The following AKAP19 variants were observed in gnomAD, a reference collection of about 807,000 sequenced individuals.
AKAP19 encodes small A-kinase anchoring protein.
At chr2:190,022,379 A>G in the AKAP19 span, among the ~76,000 whole-genome samples, 2 of 152,178 alleles carry the variant, frequency 1.3e-5, no homozygotes, top group Non-Finnish European at 2.9e-5. Context: ...AATTATTATG[A>G]AAATCATGCA....
At chr2:190,023,510 G>A in the AKAP19 span, among the ~76,000 whole-genome samples, 1 of 151,948 alleles carries the variant, frequency 6.6e-6, no homozygotes, top group African/African-American at 2.4e-5. Context: ...TGATCCTTGT[G>A]CTAATGTTCA....
the AKAP19 span, among the ~76,000 whole-genome samples, chr2:189,926,643 C>T: frequency 3.1e-5 from 4 of 127,286 alleles, no homozygotes; most frequent in African/African-American, 1.2e-4. Flanking sequence ...TGCAGTGGCG[C>T]GATCTCGGCT....
At chr2:190,057,289 G>A in the AKAP19 span, 13 of 1,613,098 alleles carry the variant, frequency 8.1e-6, no homozygotes, top group South Asian at 6.6e-5. Flanking sequence ...TACTACCATC[G>A]CTGGAATTTT....
At chr2:190,020,817 T>G in the AKAP19 span, among the ~76,000 whole-genome samples, 4 of 152,208 alleles carry the variant, frequency 2.6e-5, no homozygotes, top group African/African-American at 9.6e-5. Flanking sequence ...TTACTTTCTA[T>G]CTTTACTAAT....
the AKAP19 span, among the ~76,000 whole-genome samples, chr2:190,038,176 C>G: frequency 6.6e-6 from 1 of 152,204 alleles, no homozygotes; most frequent in Admixed American, 6.5e-5. Context: ...TGAAATATTG[C>G]TGGCTTCACC....
chr2:190,132,130 A>AT, the AKAP19 span, among the ~76,000 whole-genome samples: 1 of 152,232 alleles, frequency 6.6e-6, no homozygotes, highest in African/African-American at 2.4e-5. Flanking sequence ...ACCGAAAGCT[A>AT]TAAAACATTT....
At chr2:190,152,938 T>C in the AKAP19 span, among the ~76,000 whole-genome samples, 15 of 150,290 alleles carry the variant, frequency 1.0e-4, no homozygotes, top group South Asian at 2.1e-4. Context: ...CTCTGTCGCC[T>C]AGGCTGGAGT....
chr2:190,145,758 C>T, the AKAP19 span, among the ~76,000 whole-genome samples: 3 of 151,780 alleles, frequency 2.0e-5, no homozygotes, highest in African/African-American at 7.3e-5. Flanking sequence ...ATACATTTCT[C>T]AGAACGAATT....
At chr2:189,887,439 C>T in the AKAP19 span, among the ~76,000 whole-genome samples, 6,843 of 152,266 alleles carry the variant, frequency 0.045, 493 homozygotes, top group African/African-American at 0.15. Context: ...AATAAACCTA[C>T]ATGTGCATGT....
the AKAP19 span, among the ~76,000 whole-genome samples, chr2:190,058,051 T>C: frequency 1.3e-5 from 2 of 152,024 alleles, no homozygotes; most frequent in Admixed American, 1.3e-4. Flanking sequence ...TTAAATATGT[T>C]GGCTAAATAT....
the AKAP19 span, among the ~76,000 whole-genome samples, chr2:189,944,650 A>T: frequency 5.3e-5 from 8 of 152,216 alleles, no homozygotes; most frequent in Admixed American, 3.9e-4. Flanking sequence ...CAACAATAAT[A>T]GGGGACTTTA....
At chr2:190,072,324 C>G in the AKAP19 span, among the ~76,000 whole-genome samples, 6 of 152,150 alleles carry the variant, frequency 3.9e-5, no homozygotes, top group Non-Finnish European at 7.4e-5. Context: ...AGCTCACTAC[C>G]TGGATGATGG....
At chr2:190,186,823 A>G in the AKAP19 span, among the ~76,000 whole-genome samples, 927 of 152,262 alleles carry the variant, frequency 6.1e-3, 10 homozygotes, top group African/African-American at 0.021. This position sits in a 1 kb window ranked among gnomAD's most constrained non-coding sequence, Gnocchi z 5.5. Context: ...ACTGAGATAT[A>G]TGTATTTTTT....
the AKAP19 span, among the ~76,000 whole-genome samples, chr2:190,154,643 G>A: frequency 6.6e-6 from 1 of 152,148 alleles, no homozygotes; most frequent in African/African-American, 2.4e-5. Flanking sequence ...AGTGTCTCTT[G>A]TATACAAGAC....
chr2:190,001,111 G>A, the AKAP19 span, among the ~76,000 whole-genome samples: 3 of 152,072 alleles, frequency 2.0e-5, no homozygotes, highest in Non-Finnish European at 4.4e-5. Context: ...AGCTCCTATA[G>A]TGAATTTTAG....
the AKAP19 span, among the ~76,000 whole-genome samples, chr2:189,885,127 G>A: frequency 6.6e-6 from 1 of 152,060 alleles, no homozygotes; most frequent in Non-Finnish European, 1.5e-5. Flanking sequence ...TGTACACATA[G>A]GCATACCCCC....
the AKAP19 span, among the ~76,000 whole-genome samples, chr2:190,030,396 C>T: frequency 6.6e-6 from 1 of 152,170 alleles, no homozygotes; most frequent in African/African-American, 2.4e-5. Context: ...TCTGTTACTG[C>T]CAGCTTTCTG....
chr2:189,914,301 TGAAGA>T, the AKAP19 span, among the ~76,000 whole-genome samples: 1 of 152,140 alleles, frequency 6.6e-6, no homozygotes, highest in Admixed American at 6.5e-5. Context: ...AATTGATTTC[TGAAGA>T]GAAGTTATTT....
At chr2:190,149,861 C>T in the AKAP19 span, among the ~76,000 whole-genome samples, 84,067 of 152,056 alleles carry the variant, frequency 0.55, 23,769 homozygotes, top group Middle Eastern at 0.65. Context: ...TTTAAATCCA[C>T]TGTTTCTTTG....
Sources: gnomAD v4.1 joint callset for allele counts (sites outside exome capture counted in the v4.1 genomes callset) on GRCh38, gnomAD v4.1.1 for gene constraint, Gnocchi (gnomAD v3.1) non-coding constraint, MANE v1.5 for transcripts, NCBI Gene and HGNC (gene_info 2026-07-23, HGNC 2026-07-21) for gene names.